Variants in MX2 observed in about 807,000 individuals in gnomAD.
MX2 encodes MX dynamin like GTPase 2.
In MX2, 51 loss-of-function variants were observed where a neutral mutation model predicts 74.0. The ratio of observed to expected loss-of-function variants is 0.69; its 90% confidence interval spans 0.55 to 0.87. MX2 has a LOEUF of 0.87. MX2 is among the 40% of genes least tolerant of loss of function. The pLI is 0.00. For synonymous variants in MX2, 369 were observed against 339.3 expected, an observed-to-expected ratio of 1.09 and a Z score of -0.96; for missense variants, 832 against 908.7, an observed-to-expected ratio of 0.92 and a Z score of 1.09.
intron 12 of MX2, chr21:41,404,136 C>T (rs531883030): frequency 8.0e-5 from 13 of 162,366 alleles, no homozygotes; most frequent in African/African-American, 1.9e-4. Context: ...AGGAAGCACT[C>T]GGCTGCAGGC....
intron 12 of MX2, chr21:41,403,822 C>A: frequency 2.7e-6 from 1 of 363,662 alleles, no homozygotes. Context: ...TAAAATTCCT[C>A]TTCTGCCCAG....
chr21:41,366,186 C>T lies in MX2; in HGVS notation c.-72+4131C>T, dbSNP rs2089264199. 1 of 152,254 alleles carries T rather than the reference C, an allele frequency of 6.6e-6. No individual in the cohort carries two copies. Among genetic ancestry groups the T allele is most frequent in the South Asian group, 2.1e-4 (1 of 4,834 alleles). The allele number at this position is 152,254 out of a possible 1,614,324, so 9.4% of individuals were successfully genotyped here. ...GTCCAACAGCTGCCTTCGTGTATCA[C>T]TGGGAAATCTTAAAGATCCCACAGT... On this transcript the variant is annotated intron_variant, in intron 1 of 13. Coordinates refer to ENST00000330714, the MANE Select transcript of MX2 (RefSeq NM_002463.2). The surrounding 1 kb of genome is among the most constrained non-coding windows in gnomAD (Gnocchi z 4.5).
Position 41,377,828 on chromosome 21 carries a change from G to T in MX2, c.289G>T (p.Val97Leu). 6.2e-7 allele frequency: 1 copy of T among 1,614,024 alleles called. No individual in the cohort carries two copies. The highest frequency in any genetic ancestry group is 8.5e-7 in the Non-Finnish European group (1 of 1,179,922). Residue 97 changes from valine (V) to leucine (L), a missense_variant, in exon 3 of 14, where the codon GTG becomes TTG. Physicochemically the swap from Val to Leu is conservative, Grantham distance 32. Transcript: ENST00000330714. ...NNLYSQYEQK[V>L]RPCIDLIDSL... ...CCTGTACAGCCAGTACGAGCAGAAG[G>T]TGCGCCCCTGCATTGACCTCATCGA...
rs546084900 is a variant in MX2 at position 41,368,857 on chromosome 21, C to T, written c.-72+6802C>T. Among the ~76,000 whole-genome samples the T allele has an allele frequency of 6.6e-6, 1 of 152,294 alleles. No individual in the cohort carries two copies. The highest frequency in any genetic ancestry group is 1.9e-4 in the East Asian group (1 of 5,182). ...AAGGGCAGCTGGCTCCAGCTCTCAGCCTTTGAAGGATATTGTGGCTAGGGG... is the reference window on the plus strand; with the variant it reads ...AAGGGCAGCTGGCTCCAGCTCTCAGTCTTTGAAGGATATTGTGGCTAGGGG... On this transcript the variant is annotated intron_variant, in intron 1 of 13. Coordinates refer to ENST00000330714, the MANE Select transcript of MX2 (RefSeq NM_002463.2). The surrounding 1 kb of genome is among the most constrained non-coding windows in gnomAD (Gnocchi z 4.6).
intron 11 of MX2, 170 bp from the exon 12 acceptor site, chr21:41,403,097 G>T: frequency 3.4e-6 from 2 of 586,930 alleles, no homozygotes; most frequent in Non-Finnish European, 6.1e-6. Context: ...TGTGGCCCTG[G>T]AATGATGTCC....
intron 11 of MX2, 50 bp from the exon 12 acceptor site, chr21:41,403,217 C>G: frequency 7.0e-7 from 1 of 1,420,902 alleles, no homozygotes; most frequent in East Asian, 2.3e-5. Context: ...TTTCTGCTTG[C>G]ATTTTACTGA....
chr21:41,391,632 T>G (rs1187532383), intron 6 of MX2, among the ~76,000 whole-genome samples: 1 of 152,170 alleles, frequency 6.6e-6, no homozygotes, highest in African/African-American at 2.4e-5. Context: ...TCCACCCGCC[T>G]CAGCCTCCCA....
chr21:41,392,705 A>T (rs908840566), intron 6 of MX2, among the ~76,000 whole-genome samples: 1 of 152,024 alleles, frequency 6.6e-6, no homozygotes, highest in Non-Finnish European at 1.5e-5. Context: ...AATTTTTTTT[A>T]AAAAAACAAG....
intron 10 of MX2, chr21:41,401,472 C>T (rs182203418): frequency 2.6e-4 from 40 of 152,548 alleles, no homozygotes; most frequent in Admixed American, 7.8e-4. Flanking sequence ...GTCACCCAGG[C>T]TGGAGCACAG....
intron 6 of MX2, 132 bp from the exon 7 acceptor site, chr21:41,395,455 G>A (rs2089721799): frequency 2.8e-6 from 2 of 708,084 alleles, no homozygotes; most frequent in African/African-American, 1.8e-5. Context: ...AATGAGGATG[G>A]AATGAGGCAC....
chr21:41,367,931 T>G (rs2089282068), intron 1 of MX2, among the ~76,000 whole-genome samples: 1 of 152,224 alleles, frequency 6.6e-6, no homozygotes, highest in Non-Finnish European at 1.5e-5. Context: ...AACTTGGCTG[T>G]CTGCTGCACC....
chr21:41,399,055 T>C (rs745358821), intron 9 of MX2, 36 bp downstream of exon 9: 3 of 1,602,540 alleles, frequency 1.9e-6, no homozygotes, highest in South Asian at 1.1e-5. Context: ...TGACACTGCA[T>C]CCTTCCCTGG....
At chr21:41,398,534 G>A (rs1303422838) in intron 8 of MX2, among the ~76,000 whole-genome samples, 1 of 152,146 alleles carries the variant, frequency 6.6e-6, no homozygotes, top group Non-Finnish European at 1.5e-5. Flanking sequence ...AGATTTAAAT[G>A]TACCCTTAGA....
intron 1 of MX2, among the ~76,000 whole-genome samples, chr21:41,369,847 C>T (rs1445642423): frequency 4.6e-5 from 7 of 151,662 alleles, no homozygotes; most frequent in African/African-American, 1.7e-4. Context: ...CCCCCGCCCC[C>T]GCTCCCGCCC....
At position 41,399,427 on chromosome 21, in the gene MX2, G is replaced by C. The variant is rs2089781163; in HGVS notation, c.1414+90G>C. 2.9e-6 allele frequency: 4 copies of C among 1,399,370 alleles called. No homozygotes were observed. The East Asian group carries it at 9.2e-5, about 32-fold the overall frequency. 86.7% of individuals were successfully genotyped at this position (1,399,370 alleles called of 1,614,324 possible). A position where few individuals can be genotyped will look rare whatever the true frequency, so the allele number is the denominator to read the frequency against. ...AGCACATGATAAGTGTGCCAAGAGT[G>C]GAACACGTCCATCCAAGACCGTGGA... On this transcript the variant is annotated intron_variant, in intron 10 of 13. Transcript: ENST00000330714.
rs1381973717 is a variant in MX2, at chr21:41,368,654, A to G, written c.-72+6599A>G. ...CTTCATGAAAATGAGGGTGAGGGTGAGGGTGGCGACAGTTTTAAATATGTT... is the reference window on the plus strand; with the variant it reads ...CTTCATGAAAATGAGGGTGAGGGTGGGGGTGGCGACAGTTTTAAATATGTT... On this transcript the variant is annotated intron_variant, in intron 1 of 13. Transcript: ENST00000330714. This position sits in a 1 kb window ranked among gnomAD's most constrained non-coding sequence, Gnocchi z 4.6. 1.3e-5 allele frequency among the ~76,000 whole-genome samples: 2 copies of G among 152,194 alleles called. No homozygotes were observed. The highest frequency in any genetic ancestry group is 3.9e-4 in the East Asian group (2 of 5,188).
chr21:41,380,059 A>G lies in MX2; in HGVS notation c.485A>G (p.Gln162Arg). 2 of 1,614,050 alleles carry G rather than the reference A, an allele frequency of 1.2e-6. No homozygotes were observed. Among genetic ancestry groups the G allele is most frequent in the South Asian group, 2.2e-5 (2 of 91,082 alleles). Reference sequence around the variant, plus strand: ...CCGCTGGTGCTGAAACTGAAAAAGCAGCCCTGTGAGGCATGGGCCGGAAGG... The same window carrying G: ...CCGCTGGTGCTGAAACTGAAAAAGCGGCCCTGTGAGGCATGGGCCGGAAGG... ...RCPLVLKLKK[Q>R]PCEAWAGRIS... The change falls in exon 4 of 14, where the codon CAG becomes CGG. Residue 162 changes from glutamine (Q) to arginine (R), a missense_variant. Transcript: ENST00000330714. This position sits in a 1 kb window ranked among gnomAD's most constrained non-coding sequence, Gnocchi z 4.3.
intron 3 of MX2, 119 bp from the exon 4 acceptor site, chr21:41,379,898 G>A: frequency 1.5e-6 from 2 of 1,321,268 alleles, no homozygotes; most frequent in Non-Finnish European, 2.1e-6. Context: ...CAGGCCCCAG[G>A]GAGAGCCAGA....
rs377124123 is a variant in MX2, at chr21:41,406,828, T to G, written c.1735T>G (p.Phe579Val). The G allele has an allele frequency of 6.2e-7, 1 of 1,614,264 alleles. No individual in the cohort carries two copies. The highest frequency in any genetic ancestry group is 8.5e-7 in the Non-Finnish European group (1 of 1,180,044). The change falls in exon 13 of 14, where the codon TTT becomes GTT. Residue 579 changes from phenylalanine (F) to valine (V), a missense_variant. Phe to Val is a conservative substitution (Grantham distance 50). Transcript: ENST00000330714. Reference sequence around the variant, plus strand: ...TCAGTTCAGAATGGAGCAGATGGTTTTTTGTCAAGATCAGATTTACAGTGT... The same window carrying G: ...TCAGTTCAGAATGGAGCAGATGGTTGTTTGTCAAGATCAGATTTACAGTGT... ...QLQFRMEQMV[F>V]CQDQIYSVVL...
Sources: gnomAD v4.1 joint callset for allele counts (sites outside exome capture counted in the v4.1 genomes callset) on GRCh38, gnomAD v4.1.1 for gene constraint, Gnocchi (gnomAD v3.1) non-coding constraint, MANE v1.5 for transcripts, NCBI Gene and HGNC (gene_info 2026-07-23, HGNC 2026-07-21) for gene names.